Variants in METTL25 observed in about 807,000 individuals in gnomAD.
METTL25 encodes the protein probable methyltransferase-like protein 25.
METTL25 carries 64 observed loss-of-function variants against 71.6 expected under a neutral mutation model. That is an observed-to-expected ratio of 0.89 (90% CI 0.73 to 1.10). The LOEUF is 1.10. Among genes scored for constraint, METTL25 ranks in the 50% least tolerant of loss-of-function variants. The pLI is 0.00. For missense variants in METTL25, 807 were observed against 707.0 expected (o/e 1.14, Z -1.60); for synonymous variants, 287 against 250.3 (o/e 1.15, Z -1.38).
intron 9 of METTL25, chr12:82,468,713 G>A (rs934838002): frequency 1.3e-5 from 2 of 152,218 alleles, no homozygotes; most frequent in African/African-American, 4.8e-5. Flanking sequence ...CCTTTTGAAA[G>A]GGAATGCCTT....
At chr12:82,426,322 C>T (rs768163218) in intron 5 of METTL25, among the ~76,000 whole-genome samples, 1 of 152,038 alleles carries the variant, frequency 6.6e-6, no homozygotes, top group East Asian at 1.9e-4. Flanking sequence ...AACGCAGATT[C>T]AGAAAACTTC....
chr12:82,437,593 T>C lies in METTL25; in HGVS notation c.1405-1125T>C, dbSNP rs143009953. ...GGTTTTCTGCCTGAGCACGAAAAAT[T>C]TATTTTGCTATAAACTCCATCTGAA... On this transcript the variant is annotated intron_variant, in intron 7 of 11. Coordinates refer to ENST00000248306, the MANE Select transcript of METTL25 (RefSeq NM_032230.3). Among the ~76,000 whole-genome samples the C allele has an allele frequency of 9.8e-3, 1,494 of 151,782 alleles. 23 individuals carry two copies. The highest frequency in any genetic ancestry group is 0.034 in the African/African-American group (1,412 of 41,482).
chr12:82,377,154 T>A (rs139418069), intron 1 of METTL25, among the ~76,000 whole-genome samples: 2 of 152,190 alleles, frequency 1.3e-5, no homozygotes, highest in African/African-American at 4.8e-5. Context: ...AATTTATTTC[T>A]ACTTTTGTTT....
chr12:82,414,823 A>G (rs961567041), intron 5 of METTL25, among the ~76,000 whole-genome samples: 2 of 152,098 alleles, frequency 1.3e-5, no homozygotes, highest in Admixed American at 1.3e-4. Context: ...ATATTTTGCT[A>G]TAGCGTTCTC....
At chr12:82,417,928 A>G (rs970410444) in intron 5 of METTL25, among the ~76,000 whole-genome samples, 4 of 152,122 alleles carry the variant, frequency 2.6e-5, no homozygotes, top group African/African-American at 9.7e-5. Flanking sequence ...AGACAGAGGG[A>G]ACAGCAAGTA....
chr12:82,422,765 G>C (rs1888634173), intron 5 of METTL25, among the ~76,000 whole-genome samples: 1 of 152,012 alleles, frequency 6.6e-6, no homozygotes, highest in Non-Finnish European at 1.5e-5. Flanking sequence ...GACAAACAGA[G>C]AGCCAAATCA....
chr12:82,394,692 A>G (rs921043869), intron 3 of METTL25, among the ~76,000 whole-genome samples: 1 of 152,028 alleles, frequency 6.6e-6, no homozygotes, highest in African/African-American at 2.4e-5. Context: ...TAAAAAGGTT[A>G]TGAGTGTATT....
intron 1 of METTL25, 56 bp downstream of exon 1, chr12:82,358,880 A>G: frequency 6.5e-7 from 1 of 1,543,602 alleles, no homozygotes; most frequent in Non-Finnish European, 8.8e-7. Context: ...GTCCCGGCAG[A>G]CGAAGCGAGC....
chr12:82,386,251 A>G (rs1451059742), intron 1 of METTL25, among the ~76,000 whole-genome samples: 1 of 152,158 alleles, frequency 6.6e-6, no homozygotes, highest in Non-Finnish European at 1.5e-5. Flanking sequence ...ACTGTTTTGC[A>G]GGGACATTTA....
chr12:82,366,556 T>A (rs138889535), intron 1 of METTL25, among the ~76,000 whole-genome samples: 21 of 152,258 alleles, frequency 1.4e-4, no homozygotes, highest in African/African-American at 4.3e-4. Flanking sequence ...TAGATTATTC[T>A]TTTATCAAGC....
intron 11 of METTL25, 33 bp from the exon 12 acceptor site, chr12:82,478,899 G>T: frequency 6.5e-7 from 1 of 1,541,522 alleles, no homozygotes. Flanking sequence ...TTCAACAAAT[G>T]GTTGTATATC....
At chr12:82,363,895 G>C (rs1036293003) in intron 1 of METTL25, among the ~76,000 whole-genome samples, 2 of 152,128 alleles carry the variant, frequency 1.3e-5, no homozygotes, top group Non-Finnish European at 2.9e-5. Flanking sequence ...TTGGGCTAAC[G>C]TGTTGGATTT....
At chr12:82,384,129 A>C (rs1414355417) in intron 1 of METTL25, among the ~76,000 whole-genome samples, 1 of 152,204 alleles carries the variant, frequency 6.6e-6, no homozygotes, top group Non-Finnish European at 1.5e-5. Flanking sequence ...ATCAAGCCAT[A>C]TAATATGCAG....
chr12:82,452,694 G>T (rs907837789), intron 8 of METTL25, among the ~76,000 whole-genome samples: 6 of 152,156 alleles, frequency 3.9e-5, no homozygotes, highest in African/African-American at 1.4e-4. Flanking sequence ...TCTAGAAATT[G>T]GTCTCATATC....
intron 5 of METTL25, among the ~76,000 whole-genome samples, chr12:82,417,587 A>T (rs570364077): frequency 5.9e-5 from 9 of 152,280 alleles, no homozygotes; most frequent in Non-Finnish European, 8.8e-5. Context: ...GAATTTAATA[A>T]TTCATTCATA....
chr12:82,403,934 A>G (rs557889979), intron 5 of METTL25, among the ~76,000 whole-genome samples: 2 of 152,226 alleles, frequency 1.3e-5, no homozygotes, highest in East Asian at 3.9e-4. Context: ...TTTTTAGGTT[A>G]CCAACTTTTG....
In METTL25 at chr12:82,385,579, A is replaced by G. The variant is rs115247101; in HGVS notation, c.260-1224A>G. Among the ~76,000 whole-genome samples, 1,505 of 152,218 alleles carry G rather than the reference A, an allele frequency of 9.9e-3. 24 individuals are homozygous for G. The highest frequency in any genetic ancestry group is 0.034 in the African/African-American group (1,420 of 41,552). On this transcript the variant is annotated intron_variant, in intron 1 of 11. Coordinates refer to ENST00000248306, the MANE Select transcript of METTL25 (RefSeq NM_032230.3). ...AGCTCCTTTGAACCACTACAGACAA[A>G]TTGGAAGGCTTTCTTTTAACTCTTT...
In METTL25 at chr12:82,366,959, T is replaced by A. The variant is rs112349551; in HGVS notation, c.259+8135T>A. The stretch of plus-strand genomic sequence containing the variant: ...TCTGTAATCATAAGTAAGAGAGAGC[T>A]GCAATGCAAACAAATCTTTGAGAAC... On this transcript the variant is annotated intron_variant, in intron 1 of 11. Coordinates refer to ENST00000248306, the MANE Select transcript of METTL25 (RefSeq NM_032230.3). Among the ~76,000 whole-genome samples, 595 of 152,358 alleles carry A rather than the reference T, an allele frequency of 3.9e-3. 3 individuals are homozygous for A. The highest frequency in any genetic ancestry group is 0.014 in the African/African-American group (568 of 41,582).
At chr12:82,439,895 G>A (rs1890194972) in intron 8 of METTL25, 7 of 818,712 alleles carry the variant, frequency 8.6e-6, no homozygotes, top group Non-Finnish European at 1.0e-5. Flanking sequence ...TCTTAAATTT[G>A]TTTCTGTTCT....
Sources: allele counts gnomAD v4.1 joint callset (sites outside exome capture counted in the v4.1 genomes callset), GRCh38; gene constraint gnomAD v4.1.1; transcripts MANE v1.5; gene names NCBI Gene and HGNC (gene_info 2026-07-23, HGNC 2026-07-21).